The following DSE variants were observed in gnomAD, a reference collection of about 807,000 sequenced individuals.
The protein encoded by DSE is dermatan sulfate epimerase, also known as dermatan-sulfate epimerase.
A neutral mutation model predicts 84.4 loss-of-function variants in DSE; 36 were observed. The ratio of observed to expected loss-of-function variants is 0.43; its 90% CI spans 0.33 to 0.56. The LOEUF (loss-of-function observed/expected upper bound fraction) is 0.56, where lower values mean the gene tolerates loss of function less well. Among genes scored for constraint, DSE ranks in the 20% least tolerant of loss-of-function variants. The pLI, the probability that DSE is intolerant of heterozygous loss-of-function variation, is 0.06. For missense variants in DSE, 862 were observed against 1,169.6 expected, an observed-to-expected ratio of 0.74 and a Z score of 3.84; for synonymous variants, 410 against 430.1, an observed-to-expected ratio of 0.95 and a Z score of 0.58.
chr6:116,434,773 G>A (rs185613748), intron 5 of DSE, among the ~76,000 whole-genome samples: 19 of 152,240 alleles, frequency 1.2e-4, no homozygotes, highest in African/African-American at 4.3e-4. Context: ...TGAGACTCTA[G>A]AACAACAGAT....
chr6:116,355,596 C>T (rs1778527473), intron 2 of DSE: 1 of 152,152 alleles, frequency 6.6e-6, no homozygotes, highest in African/African-American at 2.4e-5. Flanking sequence ...ATACCCGCTT[C>T]TTTCATGTCA....
intron 4 of DSE, chr6:116,433,045 C>T (rs761262017): frequency 3.2e-5 from 12 of 370,866 alleles, no homozygotes; most frequent in African/African-American, 2.1e-4. Context: ...AATATAATCA[C>T]GTATAGCATG....
intron 2 of DSE, among the ~76,000 whole-genome samples, chr6:116,296,900 T>C (rs1168052057): frequency 1.3e-5 from 2 of 152,084 alleles, no homozygotes; most frequent in Non-Finnish European, 2.9e-5. Flanking sequence ...TCGACATAAT[T>C]GAATTCATGC....
chr6:116,285,105 A>G (rs1223949411), intron 2 of DSE, among the ~76,000 whole-genome samples: 2 of 152,188 alleles, frequency 1.3e-5, no homozygotes, highest in Non-Finnish European at 2.9e-5. Context: ...ACTGACTTCC[A>G]CAATGGTTGA....
chr6:116,361,679 G>T (rs1416980503), intron 2 of DSE, among the ~76,000 whole-genome samples: 2 of 152,104 alleles, frequency 1.3e-5, no homozygotes. Flanking sequence ...TTGTGTGTGT[G>T]TGTATCTCAT....
chr6:116,369,821 A>G, upstream of DSE: 1 of 1,048,592 alleles, frequency 9.5e-7, no homozygotes, highest in South Asian at 1.3e-5. Flanking sequence ...ATTTGGCCAA[A>G]TAGAAGTGAG....
intron 2 of DSE, among the ~76,000 whole-genome samples, chr6:116,343,281 G>T (rs1016679015): frequency 1.3e-5 from 2 of 152,216 alleles, no homozygotes; most frequent in African/African-American, 4.8e-5. Flanking sequence ...CTGTCCAAAA[G>T]CTCTGAAGAC....
intron 2 of DSE, among the ~76,000 whole-genome samples, chr6:116,293,832 G>A (rs1478542426): frequency 2.6e-5 from 4 of 151,798 alleles, no homozygotes; most frequent in Admixed American, 2.6e-4. Flanking sequence ...AGTGAGCTAT[G>A]ATCACGCCAC....
intron 1 of DSE, among the ~76,000 whole-genome samples, chr6:116,385,189 G>A (rs1780506209): frequency 6.6e-6 from 1 of 152,188 alleles, no homozygotes; most frequent in Non-Finnish European, 1.5e-5. Flanking sequence ...GGACATGAAG[G>A]CAGAGAGGCA....
At chr6:116,332,336 T>G (rs1776998576) in intron 2 of DSE, among the ~76,000 whole-genome samples, 1 of 152,032 alleles carries the variant, frequency 6.6e-6, no homozygotes, top group African/African-American at 2.4e-5. Context: ...AAACTGAGCT[T>G]TAGATCCAAA....
At chr6:116,279,867 G>A (rs759273061) in intron 2 of DSE, 3 of 1,612,864 alleles carry the variant, frequency 1.9e-6, no homozygotes, top group East Asian at 2.2e-5. Flanking sequence ...GCGAACGCCC[G>A]TTTTCCTCAG....
intron 2 of DSE, among the ~76,000 whole-genome samples, chr6:116,271,304 G>A (rs1352089321): frequency 6.6e-6 from 1 of 152,172 alleles, no homozygotes; most frequent in African/African-American, 2.4e-5. Flanking sequence ...GTAGCTCATG[G>A]GTGGGGTTCG....
chr6:116,342,025 T>G (rs1777625636), intron 2 of DSE, among the ~76,000 whole-genome samples: 1 of 152,218 alleles, frequency 6.6e-6, no homozygotes, highest in African/African-American at 2.4e-5. Flanking sequence ...TTTATTTTAG[T>G]TATTTGAATG....
rs1333098759 is a variant in DSE, at chr6:116,429,710, A to T, written c.671-1244A>T. On this transcript the variant is annotated intron_variant, in intron 3 of 5. Coordinates refer to ENST00000644252, the MANE Select transcript of DSE (RefSeq NM_013352.4). Reference sequence around the variant, plus strand: ...ACGCTTGTAATCCCAGCACTTTGGGAGGCCGAGGCGGGCGGATCACGAGGT... The same window carrying T: ...ACGCTTGTAATCCCAGCACTTTGGGTGGCCGAGGCGGGCGGATCACGAGGT... Among the ~76,000 whole-genome samples, 2 of 14,212 alleles carry T rather than the reference A, an allele frequency of 1.4e-4. 1 individual carries two copies. Among genetic ancestry groups the T allele is most frequent in the Non-Finnish European group, 3.0e-4 (2 of 6,668 alleles). The allele number at this position is 14,212 out of a possible 152,430, so 9.3% of individuals were successfully genotyped here.
At chr6:116,371,272 G>C (rs1779542027) in intron 1 of DSE, among the ~76,000 whole-genome samples, 151 bp downstream of exon 1, 1 of 152,160 alleles carries the variant, frequency 6.6e-6, no homozygotes, top group Non-Finnish European at 1.5e-5. Context: ...CGGGTTGCGC[G>C]CCCGGGCCCG....
chr6:116,386,099 G>A (rs571854241), intron 1 of DSE, among the ~76,000 whole-genome samples: 2 of 152,280 alleles, frequency 1.3e-5, no homozygotes, highest in African/African-American at 2.4e-5. Context: ...TAAAAAATGT[G>A]TCAGTCCAGT....
At chr6:116,348,994 G>A (rs1778161168) in intron 2 of DSE, among the ~76,000 whole-genome samples, 1 of 152,254 alleles carries the variant, frequency 6.6e-6, no homozygotes, top group African/African-American at 2.4e-5. Context: ...GGGAGGGATA[G>A]CATTAGGAGA....
chr6:116,258,816 T>G (rs1582901257), exon 2 of DSE: 14 of 1,608,456 alleles, frequency 8.7e-6, no homozygotes, highest in Non-Finnish European at 1.2e-5. Context: ...TGAGCAGGTG[T>G]ATGACCTCGA....
At chr6:116,369,820 A>G, upstream of DSE, 1 of 1,042,682 alleles carries the variant, frequency 9.6e-7, no homozygotes, top group Admixed American at 2.6e-5. Context: ...TATTTGGCCA[A>G]ATAGAAGTGA....
Sources: allele counts gnomAD v4.1 joint callset (sites outside exome capture counted in the v4.1 genomes callset), GRCh38; gene constraint gnomAD v4.1.1; transcripts MANE v1.5; gene names NCBI Gene and HGNC (gene_info 2026-07-23, HGNC 2026-07-21).